Variants in DPP6 observed in about 807,000 individuals in gnomAD.
DPP6 encodes the protein A-type potassium channel modulatory protein DPP6.
DPP6 carries 69 observed loss-of-function variants against 122.6 expected under a neutral mutation model. That is an observed-to-expected ratio of 0.56 (90% confidence interval 0.46 to 0.69). The LOEUF (loss-of-function observed/expected upper bound fraction) is 0.69, where lower values mean the gene tolerates loss of function less well. Among genes scored for constraint, DPP6 ranks in the 30% least tolerant of loss-of-function variants. The pLI is 0.00. For synonymous variants in DPP6, 418 were observed against 433.1 expected, an observed-to-expected ratio of 0.97 and a Z score of 0.43; for missense variants, 928 against 1,116.9, an observed-to-expected ratio of 0.83 and a Z score of 2.41.
intron 1 of DPP6, among the ~76,000 whole-genome samples, chr7:154,366,350 C>G (rs1054370840): frequency 6.6e-5 from 10 of 152,202 alleles, no homozygotes; most frequent in African/African-American, 2.4e-4. Flanking sequence ...CAACCAAATA[C>G]CCCTCCCATC....
At chr7:154,575,000 GGT>G (rs1290521001) in intron 5 of DPP6, among the ~76,000 whole-genome samples, 4 of 142,114 alleles carry the variant, frequency 2.8e-5, no homozygotes, top group Admixed American at 1.4e-4. Flanking sequence ...ATATGTGTGG[GGT>G]GTGTGTGTTT....
intron 1 of DPP6, among the ~76,000 whole-genome samples, chr7:154,208,551 A>G (rs1369686802): frequency 6.6e-6 from 1 of 152,222 alleles, no homozygotes. Flanking sequence ...ATGTACTTAC[A>G]TAATTTGCAG....
Position 154,795,782 on chromosome 7 carries a change from T to C in DPP6, c.1261-63T>C, listed in dbSNP as rs1322837343. ...CACTGTCGGTCACAGACACAATACA[T>C]GCAAAAAAAAAAAAGAAAAGAAAAG... On this transcript the variant is annotated intron_variant, in intron 11 of 25. Transcript: ENST00000377770. The C allele has an allele frequency of 4.1e-6, 6 of 1,469,944 alleles. No homozygotes were observed. In the Admixed American group the frequency reaches 1.3e-4, roughly 32 times the overall value. 91.1% of individuals were successfully genotyped at this position (1,469,944 alleles called of 1,614,324 possible).
chr7:153,754,704 C>T, the DPP6 span, among the ~76,000 whole-genome samples: 1 of 152,036 alleles, frequency 6.6e-6, no homozygotes, highest in Non-Finnish European at 1.5e-5. Flanking sequence ...GTCTCTGAGG[C>T]TCATCATTTT....
At chr7:154,882,208 A>G (rs1434474869) in intron 21 of DPP6, among the ~76,000 whole-genome samples, 2 of 152,174 alleles carry the variant, frequency 1.3e-5, no homozygotes, top group Non-Finnish European at 2.9e-5. Flanking sequence ...AAGCACAGGC[A>G]GCCGAGGTGC....
At chr7:154,545,762 AAG>A (rs1829134549) in intron 4 of DPP6, among the ~76,000 whole-genome samples, 1 of 152,186 alleles carries the variant, frequency 6.6e-6, no homozygotes, top group Non-Finnish European at 1.5e-5. Flanking sequence ...TGAGGAAACT[AAG>A]AATTTCTAAG....
At chr7:153,929,373 G>A (rs577773040) in intron 1 of DPP6, among the ~76,000 whole-genome samples, 2 of 152,286 alleles carry the variant, frequency 1.3e-5, no homozygotes, top group South Asian at 4.1e-4. Flanking sequence ...TTCGTGTTGT[G>A]ATTGGGAAAG....
intron 1 of DPP6, among the ~76,000 whole-genome samples, chr7:154,122,914 C>T (rs1256205188): frequency 6.6e-6 from 1 of 152,268 alleles, no homozygotes; most frequent in African/African-American, 2.4e-5. Context: ...CATCCTCCTC[C>T]TCCCTCTGAC....
chr7:154,371,761 C>T (rs980945225), intron 1 of DPP6, among the ~76,000 whole-genome samples: 3 of 152,086 alleles, frequency 2.0e-5, no homozygotes, highest in African/African-American at 7.2e-5. Context: ...ACCTGTGACC[C>T]GTGATTTCAG....
chr7:153,754,603 C>G, the DPP6 span, among the ~76,000 whole-genome samples: 1 of 152,150 alleles, frequency 6.6e-6, no homozygotes, highest in East Asian at 1.9e-4. Flanking sequence ...AATTTGGTGG[C>G]CATTATCTTG....
At chr7:154,839,381 CGGAGCCCAGT>C (rs1563269102) in intron 16 of DPP6, among the ~76,000 whole-genome samples, 1 of 152,234 alleles carries the variant, frequency 6.6e-6, no homozygotes, top group Non-Finnish European at 1.5e-5. Context: ...AGGGAGCAAA[CGGAGCCCAGT>C]GGAGCCCAGT....
chr7:154,448,537 C>T (rs1244389285), intron 2 of DPP6, among the ~76,000 whole-genome samples: 1 of 152,154 alleles, frequency 6.6e-6, no homozygotes, highest in Non-Finnish European at 1.5e-5. Flanking sequence ...AAATCTCTAT[C>T]AAAATCCCTC....
chr7:154,008,286 G>T (rs552844663), intron 1 of DPP6, among the ~76,000 whole-genome samples: 1 of 152,206 alleles, frequency 6.6e-6, no homozygotes, highest in Admixed American at 6.5e-5. Flanking sequence ...CGCCAGGGCT[G>T]TGTGGTTGGG....
intron 1 of DPP6, among the ~76,000 whole-genome samples, chr7:154,323,402 T>C (rs1414188858): frequency 6.6e-6 from 1 of 152,206 alleles, no homozygotes; most frequent in East Asian, 1.9e-4. Flanking sequence ...GAGTGTTCCG[T>C]TGACTGTGTG....
At chr7:154,710,613 C>CT (rs2131301742) in intron 7 of DPP6, among the ~76,000 whole-genome samples, 1 of 152,344 alleles carries the variant, frequency 6.6e-6, no homozygotes, top group East Asian at 1.9e-4. Flanking sequence ...CCTTGGAGGG[C>CT]TTCCTCACCT....
intron 1 of DPP6, among the ~76,000 whole-genome samples, chr7:154,078,091 C>G (rs1327501260): frequency 1.3e-5 from 2 of 152,100 alleles, no homozygotes; most frequent in East Asian, 3.9e-4. Flanking sequence ...ATGATCTCAA[C>G]TCTCTGTAAA....
the DPP6 span, among the ~76,000 whole-genome samples, chr7:153,811,292 T>G: frequency 2.0e-5 from 3 of 152,218 alleles, no homozygotes; most frequent in East Asian, 5.8e-4. Flanking sequence ...GGTTGACTTT[T>G]ACTCTCTCAA....
At chr7:154,873,883 TGCACACACACGCACCCACACACATAG>T (rs1563308992) in intron 19 of DPP6, among the ~76,000 whole-genome samples, 2 of 110,226 alleles carry the variant, frequency 1.8e-5, no homozygotes, top group Admixed American at 8.4e-5. Flanking sequence ...GGCACACACA[TGCACACACACGCACCCACACACATAG>T]GCACACACAC....
chr7:154,872,565 C>G lies in DPP6; in HGVS notation c.1814-59C>G, dbSNP rs570356616. 4,897 of 1,550,274 alleles carry G rather than the reference C, an allele frequency of 3.2e-3. 12 individuals are homozygous for G. The highest frequency in any genetic ancestry group is 3.1e-3 in the Non-Finnish European group (3,577 of 1,147,160). On this transcript the variant is annotated intron_variant, in intron 18 of 25. Transcript: ENST00000377770. ...ACCCCCACGGTCACCCAAGGGCATG[C>G]CCGATACCCCGTGGCCAGCATTGCC...
Sources: allele counts gnomAD v4.1 joint callset (sites outside exome capture counted in the v4.1 genomes callset), GRCh38; gene constraint gnomAD v4.1.1; transcripts MANE v1.5; gene names NCBI Gene and HGNC (gene_info 2026-07-23, HGNC 2026-07-21).